Variants in PPM1H observed in about 807,000 individuals in gnomAD.
PPM1H encodes protein phosphatase, Mg2+/Mn2+ dependent 1H, also known as protein phosphatase 1H.
In PPM1H, 27 loss-of-function variants were observed where a neutral mutation model predicts 54.9. The observed-to-expected ratio is 0.49, with a 90% CI of 0.36 to 0.68. The LOEUF is 0.68. PPM1H is among the 30% of genes least tolerant of loss of function. The pLI, the probability that PPM1H is intolerant of heterozygous loss-of-function variation, is 0.00. For synonymous variants in PPM1H, 305 were observed against 270.8 expected (o/e 1.13, Z -1.24); for missense variants, 596 against 667.8 (o/e 0.89, Z 1.19).
intron 3 of PPM1H, among the ~76,000 whole-genome samples, chr12:62,791,425 A>G (rs1038691951): frequency 7.2e-5 from 11 of 151,952 alleles, no homozygotes; most frequent in African/African-American, 2.7e-4. Flanking sequence ...TGTGGATGGA[A>G]TTGCTACTTT....
intron 1 of PPM1H, among the ~76,000 whole-genome samples, chr12:62,921,933 T>C (rs778967566): frequency 2.6e-5 from 4 of 152,258 alleles, no homozygotes. Context: ...ATTTCCTTAC[T>C]TCTAAGTAGC....
intron 1 of PPM1H, among the ~76,000 whole-genome samples, chr12:62,911,557 T>C (rs1438169783): frequency 6.6e-6 from 1 of 152,214 alleles, no homozygotes; most frequent in East Asian, 1.9e-4. Context: ...CCCCAGCTCC[T>C]CTTGAGCCTC....
intron 4 of PPM1H, among the ~76,000 whole-genome samples, chr12:62,756,436 A>C (rs2076476123): frequency 6.6e-6 from 1 of 152,008 alleles, no homozygotes; most frequent in African/African-American, 2.4e-5. Flanking sequence ...ACTCAGCCAA[A>C]AAAAAAAAAA....
intron 6 of PPM1H, among the ~76,000 whole-genome samples, chr12:62,702,520 C>T (rs1258634182): frequency 5.5e-5 from 8 of 146,294 alleles, no homozygotes; most frequent in Non-Finnish European, 1.0e-4. Flanking sequence ...TCTCCCTTCT[C>T]TTCTAAGTCA....
At chr12:62,715,973 A>G (rs1217993827) in intron 6 of PPM1H, among the ~76,000 whole-genome samples, 2 of 152,176 alleles carry the variant, frequency 1.3e-5, no homozygotes, top group African/African-American at 2.4e-5. Flanking sequence ...TGTACACCGA[A>G]GCTCGAAACT....
intron 7 of PPM1H, among the ~76,000 whole-genome samples, chr12:62,691,721 G>A (rs1019753263): frequency 6.6e-5 from 10 of 151,790 alleles, no homozygotes; most frequent in Non-Finnish European, 1.2e-4. Flanking sequence ...TACTCAGGAG[G>A]CTGAAGTGGG....
chr12:62,682,544 A>G (rs1017306684), intron 8 of PPM1H, among the ~76,000 whole-genome samples: 2 of 152,214 alleles, frequency 1.3e-5, no homozygotes, highest in African/African-American at 4.8e-5. Context: ...CTCTGTCACC[A>G]AGGCTCGAGA....
chr12:62,673,210 T>C (rs1223553796), intron 8 of PPM1H, among the ~76,000 whole-genome samples: 1 of 152,208 alleles, frequency 6.6e-6, no homozygotes, highest in Non-Finnish European at 1.5e-5. Flanking sequence ...CTGACTGCTC[T>C]CACAGAGCCC....
rs1479847068 is a variant in PPM1H at position 62,802,023 on chromosome 12, G to T, written c.549C>A (p.Asn183Lys). 6.2e-7 allele frequency: 1 copy of T among 1,613,544 alleles called. No individual in the cohort carries two copies. The highest frequency in any genetic ancestry group is 1.1e-5 in the South Asian group (1 of 91,066). Residue 183 changes from asparagine to lysine, a missense_variant, in exon 3 of 10, where the codon AAC becomes AAA. Around this residue, in one of 3 missense-constraint regions of PPM1H, gnomAD observed 382 missense variants for 387.1 expected, o/e 0.99. Coordinates refer to ENST00000228705, the MANE Select transcript of PPM1H (RefSeq NM_020700.2). ...GGCAGGTAGGGGGCAGGACGGCGGA[G>T]TTCTTCAGGATGTCCACGATGTCCT... ...QLQDIVDILK[N>K]SAVLPPTCLG...
Position 62,686,739 on chromosome 12 carries a change from C to T in PPM1H, c.1245+2960G>A, listed in dbSNP as rs117761675. Among the ~76,000 whole-genome samples, 37 of 152,324 alleles carry T rather than the reference C, an allele frequency of 2.4e-4. No homozygotes were observed. The East Asian group carries it at 6.2e-3, about 25-fold the overall frequency. On this transcript the variant is annotated intron_variant, in intron 8 of 9. Transcript: ENST00000228705. ...GTAATTATTATTTCTACCGAGCTGA[C>T]CTCACTTGAAATCCTGGGTGATACC...
rs570530193 is a variant in PPM1H, at chr12:62,673,287, G to T, written c.1246-5958C>A. On this transcript the variant is annotated intron_variant, in intron 8 of 9. Coordinates refer to ENST00000228705, the MANE Select transcript of PPM1H (RefSeq NM_020700.2). Reference sequence around the variant, plus strand: ...GGGCACTTATTTTACACAGGAGCCTGTGACAAGCAACTCTTTAATACAGCA... The same window carrying T: ...GGGCACTTATTTTACACAGGAGCCTTTGACAAGCAACTCTTTAATACAGCA... 1.1e-4 allele frequency among the ~76,000 whole-genome samples: 16 copies of T among 152,280 alleles called. 1 individual carries two copies. In the East Asian group the frequency reaches 1.9e-3, roughly 18 times the overall value.
At chr12:62,689,259 G>A (rs953648975) in intron 8 of PPM1H, among the ~76,000 whole-genome samples, 10 of 152,168 alleles carry the variant, frequency 6.6e-5, no homozygotes, top group African/African-American at 2.2e-4. Context: ...GTCATGTAAG[G>A]GAAACAGCAA....
intron 1 of PPM1H, among the ~76,000 whole-genome samples, chr12:62,919,821 G>A (rs942072255): frequency 6.6e-6 from 1 of 152,176 alleles, no homozygotes; most frequent in African/African-American, 2.4e-5. Context: ...TTCAGGTGGT[G>A]TGCAAGGGGC....
At chr12:62,683,033 T>TTTTTTTTTTTA (rs1491110813) in intron 8 of PPM1H, among the ~76,000 whole-genome samples, 5 of 133,666 alleles carry the variant, frequency 3.7e-5, no homozygotes, top group Non-Finnish European at 8.1e-5. Context: ...GAGTTTATTA[T>TTTTTTTTTTTA]TTATTATTAT....
rs1372307616 is a variant in PPM1H, at chr12:62,729,272, A to T, written c.954+8230T>A. ...CTGCAAAGGAGCTTAAGAGTTGGTCAGGCAAGAGCTCTAGGGCAAGTGTGG... is the reference window on the plus strand; with the variant it reads ...CTGCAAAGGAGCTTAAGAGTTGGTCTGGCAAGAGCTCTAGGGCAAGTGTGG... On this transcript the variant is annotated intron_variant, in intron 5 of 9. Coordinates refer to ENST00000228705, the MANE Select transcript of PPM1H (RefSeq NM_020700.2). Among the ~76,000 whole-genome samples the T allele has an allele frequency of 2.0e-5, 3 of 152,314 alleles. No individual in the cohort carries two copies. The East Asian group carries it at 5.8e-4, about 29-fold the overall frequency.
At chr12:62,769,579 A>G (rs942338068) in intron 4 of PPM1H, among the ~76,000 whole-genome samples, 1 of 152,224 alleles carries the variant, frequency 6.6e-6, no homozygotes, top group African/African-American at 2.4e-5. Flanking sequence ...AATGTCTTCT[A>G]TGGGCAAAGG....
intron 1 of PPM1H, among the ~76,000 whole-genome samples, chr12:62,874,884 C>A (rs1870106688): frequency 6.6e-6 from 1 of 152,176 alleles, no homozygotes; most frequent in Admixed American, 6.5e-5. Context: ...AATTGTGTAA[C>A]ACTGAACACT....
Position 62,788,432 on chromosome 12 carries a change from T to C in PPM1H, c.757-94A>G, listed in dbSNP as rs932505166. ...CTCTTGACAGTCCCCAGACTCTGAA[T>C]GTGCTTCAAGAAGGGACTAGAAAAA... On this transcript the variant is annotated intron_variant, in intron 3 of 9. Coordinates refer to ENST00000228705, the MANE Select transcript of PPM1H (RefSeq NM_020700.2). 9 of 777,548 alleles carry C rather than the reference T, an allele frequency of 1.2e-5. No individual in the cohort carries two copies. The Admixed American group carries it at 1.2e-4, about 10-fold the overall frequency. The allele number at this position is 777,548 out of a possible 1,614,324, so 48.2% of individuals were successfully genotyped here. A position where few individuals can be genotyped will look rare whatever the true frequency, so the allele number is the denominator to read the frequency against.
intron 2 of PPM1H, among the ~76,000 whole-genome samples, chr12:62,803,363 GATAGA>G (rs1331461537): frequency 3.9e-5 from 6 of 152,294 alleles, no homozygotes; most frequent in African/African-American, 1.2e-4. Flanking sequence ...TGACATAGCT[GATAGA>G]ATAGAGAGCT....
Sources: gnomAD v4.1 joint callset for allele counts (sites outside exome capture counted in the v4.1 genomes callset) on GRCh38, gnomAD v4.1.1 for gene constraint, gnomAD v4.1.1 regional missense constraint, MANE v1.5 for transcripts, NCBI Gene and HGNC (gene_info 2026-07-23, HGNC 2026-07-21) for gene names.